Variants in NTF3 observed in about 807,000 individuals in gnomAD.
NTF3 encodes the protein neurotrophin 3, also known as neurotrophin-3.
NTF3 carries 8 observed loss-of-function variants against 26.3 expected under a neutral mutation model. That is an observed-to-expected ratio of 0.30 (90% CI 0.18 to 0.55). The LOEUF (loss-of-function observed/expected upper bound fraction) is 0.55, where lower values mean the gene tolerates loss of function less well. Ranked by LOEUF, NTF3 falls within the 20% of genes least tolerant of loss-of-function variation. NTF3 has a pLI of 0.93. For missense variants in NTF3, 276 were observed against 352.9 expected (o/e 0.78, Z 1.75); for synonymous variants, 154 against 145.5 (o/e 1.06, Z -0.42).
At chr12:5,446,940 G>T (rs1050183714) in intron 1 of NTF3, among the ~76,000 whole-genome samples, 2 of 152,202 alleles carry the variant, frequency 1.3e-5, no homozygotes, top group Admixed American at 6.5e-5. Flanking sequence ...AGCAGGCCAG[G>T]TAGTGAGACA....
At chr12:5,488,654 C>G (rs1012396396) in intron 1 of NTF3, among the ~76,000 whole-genome samples, 1 of 152,202 alleles carries the variant, frequency 6.6e-6, no homozygotes, top group African/African-American at 2.4e-5. Context: ...ACATTCCTTT[C>G]CCTTTTGTAA....
intron 1 of NTF3, among the ~76,000 whole-genome samples, chr12:5,467,228 CAAAAAAAAAAAAAAAAAA>C (rs60794349): frequency 1.2e-4 from 6 of 49,550 alleles, no homozygotes; most frequent in South Asian, 1.1e-3. Flanking sequence ...GACTCCGTCT[CAAAAAAAAAAAAAAAAAA>C]AAAAAAAAAA....
chr12:5,437,801 T>TTA (rs1940188876), intron 1 of NTF3, among the ~76,000 whole-genome samples: 1 of 152,210 alleles, frequency 6.6e-6, no homozygotes, highest in Non-Finnish European at 1.5e-5. Context: ...AAGCCCCGTG[T>TTA]GGTGCTGCTG....
At chr12:5,432,797 G>C (rs1351854912) in intron 1 of NTF3, among the ~76,000 whole-genome samples, 1 of 151,996 alleles carries the variant, frequency 6.6e-6, no homozygotes, top group Non-Finnish European at 1.5e-5. Flanking sequence ...ACTCCCAACC[G>C]ACCCGCCTGC....
At chr12:5,473,856 A>G (rs61907703) in intron 1 of NTF3, among the ~76,000 whole-genome samples, 44,917 of 152,094 alleles carry the variant, frequency 0.3, 7,544 homozygotes, top group African/African-American at 0.46. Flanking sequence ...AGTTGCTGAC[A>G]TGCAGTTTTG....
intron 1 of NTF3, among the ~76,000 whole-genome samples, chr12:5,470,340 C>G (rs1940649510): frequency 6.6e-6 from 1 of 152,200 alleles, no homozygotes; most frequent in Non-Finnish European, 1.5e-5. Flanking sequence ...TCATCTCCGC[C>G]AAGAGCAGGA....
At chr12:5,467,299 G>A (rs1033905243) in intron 1 of NTF3, among the ~76,000 whole-genome samples, 3 of 148,114 alleles carry the variant, frequency 2.0e-5, no homozygotes, top group Admixed American at 6.7e-5. Context: ...TTGGGGCAAT[G>A]GGAGGGAAAT....
chr12:5,455,573 CACACACACACAT>C (rs750964498), intron 1 of NTF3, among the ~76,000 whole-genome samples: 15,240 of 143,470 alleles, frequency 0.11, 1,136 homozygotes, highest in South Asian at 0.16. Context: ...CACACACACA[CACACACACACAT>C]AGCCCCTGTG....
chr12:5,493,531 C>G (rs1046611856), intron 1 of NTF3, among the ~76,000 whole-genome samples: 2 of 152,060 alleles, frequency 1.3e-5, no homozygotes, highest in Non-Finnish European at 2.9e-5. Context: ...GTTGGTGATG[C>G]GTATGTATCA....
chr12:5,468,318 A>G (rs1940617912), intron 1 of NTF3, among the ~76,000 whole-genome samples: 1 of 152,172 alleles, frequency 6.6e-6, no homozygotes, highest in Non-Finnish European at 1.5e-5. Context: ...CCAAATCAGT[A>G]TCTTAATGCA....
At chr12:5,475,292 G>A (rs1238394541) in intron 1 of NTF3, among the ~76,000 whole-genome samples, 1 of 152,082 alleles carries the variant, frequency 6.6e-6, no homozygotes, top group East Asian at 1.9e-4. Context: ...GCATGAGGGA[G>A]GAGGGGCTGT....
chr12:5,474,224 G>T, intron 1 of NTF3, among the ~76,000 whole-genome samples: 1 of 152,188 alleles, frequency 6.6e-6, no homozygotes. Flanking sequence ...AGGCACCATT[G>T]CAGGTGCTAA....
chr12:5,440,648 A>G (rs1290300045), intron 1 of NTF3, among the ~76,000 whole-genome samples: 1 of 152,200 alleles, frequency 6.6e-6, no homozygotes. Flanking sequence ...TACCTTAAAT[A>G]GCTTGCCACA....
At chr12:5,487,827 T>C (rs4077471) in intron 1 of NTF3, among the ~76,000 whole-genome samples, 66,342 of 152,082 alleles carry the variant, frequency 0.44, 14,519 homozygotes, top group South Asian at 0.51. Flanking sequence ...GATTGTCTAA[T>C]GAGGCCTCAC....
intron 1 of NTF3, among the ~76,000 whole-genome samples, chr12:5,436,010 C>T (rs1316416790): frequency 1.3e-5 from 2 of 151,998 alleles, no homozygotes; most frequent in Non-Finnish European, 2.9e-5. Flanking sequence ...AGATGTGCAT[C>T]TTTAGCGAAA....
chr12:5,469,741 T>G (rs1434529116), intron 1 of NTF3, among the ~76,000 whole-genome samples: 1 of 152,178 alleles, frequency 6.6e-6, no homozygotes, highest in Non-Finnish European at 1.5e-5. Flanking sequence ...AAATATGTAT[T>G]TTTTAACATT....
chr12:5,484,924 G>C (rs970639952), intron 1 of NTF3, among the ~76,000 whole-genome samples: 1 of 152,154 alleles, frequency 6.6e-6, no homozygotes, highest in African/African-American at 2.4e-5. Context: ...TCAAAACAGG[G>C]GATGTGCCAA....
At chr12:5,449,222 C>T (rs572335501) in intron 1 of NTF3, among the ~76,000 whole-genome samples, 1 of 152,292 alleles carries the variant, frequency 6.6e-6, no homozygotes, top group Non-Finnish European at 1.5e-5. Flanking sequence ...GTGTCGAGAG[C>T]TTGACCAGTA....
chr12:5,469,001 G>A (rs1456748669), intron 1 of NTF3, among the ~76,000 whole-genome samples: 1 of 152,106 alleles, frequency 6.6e-6, no homozygotes, highest in Admixed American at 6.5e-5. Flanking sequence ...CACACCTATA[G>A]TCCCAGCTAC....
Sources: gnomAD v4.1 joint callset for allele counts (sites outside exome capture counted in the v4.1 genomes callset) on GRCh38, gnomAD v4.1.1 for gene constraint, MANE v1.5 for transcripts, NCBI Gene and HGNC (gene_info 2026-07-23, HGNC 2026-07-21) for gene names.